The following EYA4 variants were observed in gnomAD, a reference collection of about 807,000 sequenced individuals.
EYA4 encodes EYA transcriptional coactivator and phosphatase 4.
In EYA4, 31 loss-of-function variants were observed where a neutral mutation model predicts 87.9. The observed-to-expected ratio is 0.35, with a 90% CI of 0.27 to 0.48. The LOEUF (loss-of-function observed/expected upper bound fraction) is 0.48, where lower values mean the gene tolerates loss of function less well. Ranked by LOEUF, EYA4 falls within the 20% of genes least tolerant of loss-of-function variation. The probability of loss-of-function intolerance (pLI) is 0.99; values close to 1 mark genes in which losing one functional copy is unlikely to be tolerated. For synonymous variants in EYA4, 263 were observed against 270.6 expected (o/e 0.97, Z 0.28); for missense variants, 678 against 761.4 (o/e 0.89, Z 1.29).
chr6:133,272,417 T>G (rs1776772123), intron 1 of EYA4, among the ~76,000 whole-genome samples: 1 of 152,190 alleles, frequency 6.6e-6, no homozygotes, highest in Non-Finnish European at 1.5e-5. Flanking sequence ...TATGCTACTT[T>G]CATTTGATGA....
intron 13 of EYA4, among the ~76,000 whole-genome samples, chr6:133,484,531 G>A (rs553874319): frequency 3.3e-5 from 5 of 152,316 alleles, no homozygotes; most frequent in Non-Finnish European, 7.3e-5. Context: ...TTTACAAGAA[G>A]TGTTAGCCCC....
chr6:133,364,934 G>A (rs559302910), intron 2 of EYA4, among the ~76,000 whole-genome samples: 1 of 152,092 alleles, frequency 6.6e-6, no homozygotes, highest in Non-Finnish European at 1.5e-5. Context: ...TCCTCTTTTT[G>A]TCCTTTCTTG....
intron 2 of EYA4, among the ~76,000 whole-genome samples, chr6:133,344,251 A>G (rs1335695117): frequency 1.3e-5 from 2 of 152,228 alleles, no homozygotes; most frequent in Non-Finnish European, 2.9e-5. Context: ...CTTATCTCAC[A>G]TCTTCCATTT....
rs374382489 is a variant in EYA4 at position 133,398,015 on chromosome 6, C to G, written c.83+15574C>G. Among the ~76,000 whole-genome samples, 4 of 152,258 alleles carry G rather than the reference C, an allele frequency of 2.6e-5. No homozygotes were observed. In the South Asian group the frequency reaches 8.3e-4, roughly 32 times the overall value. ...TCTTACAGTGCATTGTTTTGTGTGT[C>G]TTTTCCCCTATGGCCATACATTGTG... is the stretch of plus-strand genomic sequence containing the variant. On this transcript the variant is annotated intron_variant, in intron 3 of 19. Coordinates refer to ENST00000355286, the MANE Select transcript of EYA4 (RefSeq NM_004100.5).
chr6:133,371,134 A>T (rs1785234738), intron 2 of EYA4, among the ~76,000 whole-genome samples: 1 of 152,174 alleles, frequency 6.6e-6, no homozygotes, highest in Non-Finnish European at 1.5e-5. Context: ...TTTGTTAAAG[A>T]CGACTGAGGG....
chr6:133,481,688 A>C, intron 12 of EYA4, 89 bp downstream of exon 12: 2 of 1,465,688 alleles, frequency 1.4e-6, no homozygotes, highest in Non-Finnish European at 1.9e-6. Flanking sequence ...TTATGTTTCA[A>C]ATTTAAAAAT....
At chr6:133,290,641 T>C (rs1356447547) in intron 2 of EYA4, among the ~76,000 whole-genome samples, 1 of 152,176 alleles carries the variant, frequency 6.6e-6, no homozygotes, top group Admixed American at 6.6e-5. Context: ...TTAATCTCCT[T>C]TTCGTATTGC....
chr6:133,396,521 T>A (rs1046629912), intron 3 of EYA4, among the ~76,000 whole-genome samples: 1 of 152,162 alleles, frequency 6.6e-6, no homozygotes, highest in Non-Finnish European at 1.5e-5. Context: ...ATGTGTGACA[T>A]CGAACGGGAG....
intron 1 of EYA4, among the ~76,000 whole-genome samples, chr6:133,257,786 C>G (rs576744533): frequency 6.6e-6 from 1 of 152,150 alleles, no homozygotes; most frequent in Non-Finnish European, 1.5e-5. Context: ...CTTCATGAAA[C>G]GTAATTTATC....
At chr6:133,319,642 T>G (rs746825803) in intron 2 of EYA4, among the ~76,000 whole-genome samples, 3 of 152,056 alleles carry the variant, frequency 2.0e-5, no homozygotes, top group African/African-American at 7.2e-5. Context: ...TTAAAAAAAT[T>G]GTTTTGCGTG....
At chr6:133,357,419 G>A (rs1784152936) in intron 2 of EYA4, among the ~76,000 whole-genome samples, 1 of 152,086 alleles carries the variant, frequency 6.6e-6, no homozygotes. Flanking sequence ...ATATCTGAAT[G>A]TTGTTGAAGT....
intron 11 of EYA4, among the ~76,000 whole-genome samples, chr6:133,477,836 A>G (rs1025614190): frequency 7.2e-5 from 10 of 139,032 alleles, no homozygotes; most frequent in African/African-American, 2.8e-4. Flanking sequence ...ACACACACGC[A>G]TATATATATA....
chr6:133,246,023 C>G (rs1774379168), intron 1 of EYA4, among the ~76,000 whole-genome samples: 1 of 152,216 alleles, frequency 6.6e-6, no homozygotes, highest in Non-Finnish European at 1.5e-5. Context: ...TTTCACACCT[C>G]CAGAAAAAGA....
intron 2 of EYA4, among the ~76,000 whole-genome samples, chr6:133,308,325 A>G (rs893662107): frequency 6.6e-6 from 1 of 152,210 alleles, no homozygotes; most frequent in Non-Finnish European, 1.5e-5. Flanking sequence ...CCCAAATCAC[A>G]TATGTAATAA....
intron 10 of EYA4, among the ~76,000 whole-genome samples, chr6:133,468,346 G>A (rs183866363): frequency 1.2e-4 from 19 of 152,106 alleles, no homozygotes; most frequent in South Asian, 8.3e-4. Context: ...TTTGTGTACT[G>A]GACCTGGTTT....
intron 13 of EYA4, among the ~76,000 whole-genome samples, chr6:133,503,370 AAG>A (rs1798304646): frequency 6.6e-6 from 1 of 152,246 alleles, no homozygotes; most frequent in African/African-American, 2.4e-5. Context: ...AAAACTTAAA[AAG>A]AAAAATTGGC....
chr6:133,466,651 A>C (rs958862947), intron 10 of EYA4, among the ~76,000 whole-genome samples: 1 of 152,100 alleles, frequency 6.6e-6, no homozygotes, highest in African/African-American at 2.4e-5. Context: ...TCTCTATGGA[A>C]ACCACATTTA....
At chr6:133,491,378 T>A (rs967584996) in intron 13 of EYA4, among the ~76,000 whole-genome samples, 1 of 152,254 alleles carries the variant, frequency 6.6e-6, no homozygotes, top group African/African-American at 2.4e-5. Context: ...GTTGGTTTTT[T>A]GAAAAGATAA....
At chr6:133,351,718 G>A (rs1017579088) in intron 2 of EYA4, among the ~76,000 whole-genome samples, 1 of 152,068 alleles carries the variant, frequency 6.6e-6, no homozygotes, top group African/African-American at 2.4e-5. Flanking sequence ...TTACAGGAAG[G>A]GTGTTGGGTA....
Sources: gnomAD v4.1 joint callset for allele counts (sites outside exome capture counted in the v4.1 genomes callset) on GRCh38, gnomAD v4.1.1 for gene constraint, MANE v1.5 for transcripts, NCBI Gene and HGNC (gene_info 2026-07-23, HGNC 2026-07-21) for gene names.